The following ABLIM1 variants were observed in gnomAD, a reference collection of about 807,000 sequenced individuals.
ABLIM1 encodes the protein actin-binding LIM protein 1.
A neutral mutation model predicts 107.0 loss-of-function variants in ABLIM1; 40 were observed. The observed-to-expected ratio is 0.37, with a 90% CI of 0.29 to 0.49. ABLIM1 has a LOEUF of 0.49. Ranked by LOEUF, ABLIM1 falls within the 20% of genes least tolerant of loss-of-function variation. The probability of loss-of-function intolerance (pLI) is 0.97; values close to 1 mark genes in which losing one functional copy is unlikely to be tolerated. For synonymous variants in ABLIM1, 357 were observed against 357.3 expected (o/e 1.00, Z 0.01); for missense variants, 857 against 1,008.5 (o/e 0.85, Z 2.04).
chr10:114,613,701 T>A (rs1487069404), intron 1 of ABLIM1: 1 of 1,322,382 alleles, frequency 7.6e-7, no homozygotes, highest in Non-Finnish European at 1.0e-6. Flanking sequence ...GATGAAAGCA[T>A]GAGACCTGTG....
At chr10:114,741,393 T>C (rs1357309698) in intron 1 of ABLIM1, among the ~76,000 whole-genome samples, 1 of 151,566 alleles carries the variant, frequency 6.6e-6, no homozygotes, top group Non-Finnish European at 1.5e-5. Context: ...GCCTGGCTAA[T>C]TTTTTGTATT....
Position 114,445,342 on chromosome 10 carries a change from A to T in ABLIM1, c.1797T>A (p.Arg599=), listed in dbSNP as rs1277940962. ...REEDDEELLR[R]RQLQEEQLMK... is the part of the protein sequence containing the mutation. ...TTAATTGCTCTTCTTGAAGCTGCCGACGTCTCAGAAGTTCCTCATCATCTT... is the reference window on the plus strand; with the variant it reads ...TTAATTGCTCTTCTTGAAGCTGCCGTCGTCTCAGAAGTTCCTCATCATCTT... Residue 599 remains arginine, a synonymous_variant, in exon 16 of 23, where the codon CGT becomes CGA. Transcript: ENST00000533213. The T allele has an allele frequency of 1.2e-6, 2 of 1,614,176 alleles. No homozygotes were observed. The highest frequency in any genetic ancestry group is 2.2e-5 in the South Asian group (2 of 91,078).
chr10:114,624,893 T>G (rs2077690733), intron 1 of ABLIM1, among the ~76,000 whole-genome samples: 1 of 151,986 alleles, frequency 6.6e-6, no homozygotes, highest in African/African-American at 2.4e-5. Context: ...CTTTCATTTA[T>G]AAAATAGTAC....
intron 2 of ABLIM1, among the ~76,000 whole-genome samples, chr10:114,583,448 CACACACACACACACACACACATAT>C (rs2073733388): frequency 1.3e-5 from 1 of 75,714 alleles, no homozygotes; most frequent in African/African-American, 7.5e-5. Flanking sequence ...CACACACACA[CACACACACACACACACACACATAT>C]ATATATATAT....
chr10:114,774,125 A>T, the ABLIM1 span, among the ~76,000 whole-genome samples: 4 of 152,148 alleles, frequency 2.6e-5, no homozygotes, highest in African/African-American at 9.7e-5. Flanking sequence ...TAGAAGAGAG[A>T]TTTAAATGAG....
intron 1 of ABLIM1, among the ~76,000 whole-genome samples, chr10:114,719,859 T>C (rs2081797880): frequency 6.6e-6 from 1 of 152,236 alleles, no homozygotes; most frequent in East Asian, 1.9e-4. Context: ...TAATTCTCAA[T>C]AATTTATCTT....
At chr10:114,441,427 A>G (rs2060181284) in intron 18 of ABLIM1, among the ~76,000 whole-genome samples, 1 of 152,190 alleles carries the variant, frequency 6.6e-6, no homozygotes. Flanking sequence ...GGTTCAAGTA[A>G]TTACTTTTTG....
intron 14 of ABLIM1, 85 bp downstream of exon 14, chr10:114,451,539 G>A (rs2061898775): frequency 7.9e-7 from 1 of 1,268,712 alleles, no homozygotes; most frequent in East Asian, 2.3e-5. Flanking sequence ...AAAAGCAGCA[G>A]CAGGAAAAGC....
At chr10:114,457,859 G>A (rs2063119213) in intron 12 of ABLIM1, among the ~76,000 whole-genome samples, 1 of 152,152 alleles carries the variant, frequency 6.6e-6, no homozygotes, top group Non-Finnish European at 1.5e-5. Flanking sequence ...ATTATTTGAG[G>A]TCAGGAGTTT....
chr10:114,456,648 C>T (rs1474750509), intron 12 of ABLIM1, among the ~76,000 whole-genome samples: 1 of 152,168 alleles, frequency 6.6e-6, no homozygotes. Context: ...GCCAGTGTCA[C>T]GCACACACAA....
Position 114,440,997 on chromosome 10 carries a change from C to A in ABLIM1, c.2059+20G>T, listed in dbSNP as rs2060112948. ...CGAGGGAAGACGTGGCCATGCTCAG[C>A]CTGGCCATGGGAGCCTCACCTCGCA... On this transcript the variant is annotated intron_variant, in intron 19 of 22. Transcript: ENST00000533213. 1.3e-6 allele frequency: 2 copies of A among 1,578,826 alleles called. No individual in the cohort carries two copies. The highest frequency in any genetic ancestry group is 2.7e-5 in the African/African-American group (2 of 74,332).
At chr10:114,730,205 C>A (rs925932327) in intron 1 of ABLIM1, among the ~76,000 whole-genome samples, 6 of 151,978 alleles carry the variant, frequency 3.9e-5, no homozygotes, top group African/African-American at 1.5e-4. Context: ...CCAGACCAGC[C>A]TGGGAAACAT....
upstream of ABLIM1, among the ~76,000 whole-genome samples, chr10:114,689,808 T>C (rs1283408359): frequency 6.6e-6 from 1 of 152,004 alleles, no homozygotes; most frequent in Non-Finnish European, 1.5e-5. Flanking sequence ...CATTCAACAA[T>C]AAGCTGGACA....
chr10:114,598,007 C>A (rs1407632788), intron 2 of ABLIM1, among the ~76,000 whole-genome samples: 3 of 152,176 alleles, frequency 2.0e-5, no homozygotes. Flanking sequence ...CACAGTGGCT[C>A]ACGCCTGTAA....
At chr10:114,684,409 GC>G in exon 1 of ABLIM1, 1 of 1,611,876 alleles carries the variant, frequency 6.2e-7, no homozygotes, top group South Asian at 1.1e-5. Flanking sequence ...ACACAGAAAG[GC>G]TGCAACACTC....
chr10:114,516,634 C>A (rs1428886117), intron 6 of ABLIM1, among the ~76,000 whole-genome samples: 1 of 152,210 alleles, frequency 6.6e-6, no homozygotes, highest in Non-Finnish European at 1.5e-5. Context: ...AACCCAGCCA[C>A]AATTCTTTAT....
chr10:114,650,859 G>A (rs1018175670), intron 1 of ABLIM1, among the ~76,000 whole-genome samples: 1 of 152,136 alleles, frequency 6.6e-6, no homozygotes, highest in African/African-American at 2.4e-5. Context: ...AAGAAGAGGG[G>A]GAAGTATTTA....
rs1453456828 is a variant in ABLIM1, at chr10:114,704,320, A to C, written c.-213+63741T>G. Among the ~76,000 whole-genome samples the C allele has an allele frequency of 1.3e-3, 106 of 82,824 alleles. 3 individuals are homozygous for C. Among genetic ancestry groups the C allele is most frequent in the African/African-American group, 3.5e-3 (84 of 24,330 alleles). 54.3% of individuals were successfully genotyped at this position (82,824 alleles called of 152,430 possible). Reference sequence around the variant, plus strand: ...TCTCTCTCTATATATATATATATATATATATATATATATATTGCGCGCGTT... The same window carrying C: ...TCTCTCTCTATATATATATATATATCTATATATATATATATTGCGCGCGTT... On this transcript the variant is annotated intron_variant, in intron 1 of 15. Transcript: ENST00000651092.
At chr10:114,756,695 A>C (rs2082637291) in intron 1 of ABLIM1, among the ~76,000 whole-genome samples, 1 of 152,206 alleles carries the variant, frequency 6.6e-6, no homozygotes, top group Non-Finnish European at 1.5e-5. Context: ...TAAAATTTCC[A>C]AGCACCATTT....
Sources: allele counts gnomAD v4.1 joint callset (sites outside exome capture counted in the v4.1 genomes callset), GRCh38; gene constraint gnomAD v4.1.1; transcripts MANE v1.5; gene names NCBI Gene and HGNC (gene_info 2026-07-23, HGNC 2026-07-21).